Variants in SVIL observed in about 807,000 individuals in gnomAD.
SVIL encodes archvillin.
A neutral mutation model predicts 240.4 loss-of-function variants in SVIL; 101 were observed. The observed-to-expected ratio is 0.42, with a 90% CI of 0.36 to 0.50. The LOEUF is 0.50. SVIL is among the 20% of genes least tolerant of loss of function. The pLI, the probability that SVIL is intolerant of heterozygous loss-of-function variation, is 0.01. For synonymous variants in SVIL, 999 were observed against 1,100.0 expected (o/e 0.91, Z 1.82); for missense variants, 2,512 against 2,818.7 (o/e 0.89, Z 2.46).
intron 1 of SVIL, among the ~76,000 whole-genome samples, chr10:29,595,882 C>T (rs983744336): frequency 1.3e-5 from 2 of 152,232 alleles, no homozygotes; most frequent in Non-Finnish European, 2.9e-5. Context: ...AGCTGCTCTG[C>T]CTGCTCTTGG....
At chr10:29,571,011 C>T (rs1252506019) in intron 1 of SVIL, among the ~76,000 whole-genome samples, 5 of 152,218 alleles carry the variant, frequency 3.3e-5, no homozygotes, top group Non-Finnish European at 5.9e-5. Flanking sequence ...AGCTGGAAAA[C>T]CCTGGGCTTC....
chr10:29,687,663 G>C (rs1961183649), intron 1 of SVIL, among the ~76,000 whole-genome samples: 1 of 152,190 alleles, frequency 6.6e-6, no homozygotes, highest in African/African-American at 2.4e-5. Context: ...ACAGAGTTGA[G>C]ACTCTTTCTC....
chr10:29,529,754 T>C lies in SVIL; in HGVS notation c.2197A>G (p.Arg733Gly). 3 of 1,613,762 alleles carry C rather than the reference T, an allele frequency of 1.9e-6. No homozygotes were observed. Among genetic ancestry groups the C allele is most frequent in the South Asian group, 1.1e-5 (1 of 90,986 alleles). The change falls in exon 12 of 38, where the codon AGG becomes GGG. Residue 733 changes from arginine (R) to glycine (G), a missense_variant. Arg to Gly is a moderately radical substitution (Grantham distance 125). Transcript: ENST00000355867. The stretch of plus-strand genomic sequence containing the variant: ...GTGGTGATGGGCTGGGTGAGGGACC[T>C]GTCCTGCAGACGGCGTAGCCTCTGC... Reference protein sequence around the residue: ...VEQRLRRLQDRSLTQPITTEE... With the variant: ...VEQRLRRLQDGSLTQPITTEE...
chr10:29,490,811 C>G, intron 22 of SVIL, 36 bp downstream of exon 22: 6 of 1,609,494 alleles, frequency 3.7e-6, no homozygotes, highest in Non-Finnish European at 5.1e-6. Flanking sequence ...AAGCCATTCC[C>G]AAACACAGAA....
chr10:29,488,316 AG>A (rs1210094357), intron 23 of SVIL, among the ~76,000 whole-genome samples: 3 of 151,846 alleles, frequency 2.0e-5, no homozygotes, highest in Non-Finnish European at 4.4e-5. Flanking sequence ...GGGATTCTGG[AG>A]TGGGGGGACC....
chr10:29,646,549 G>T (rs1390167371), intron 3 of SVIL, among the ~76,000 whole-genome samples: 2 of 152,226 alleles, frequency 1.3e-5, no homozygotes, highest in Non-Finnish European at 2.9e-5. Context: ...TGATGGCCAA[G>T]TGGGCAAGTT....
At chr10:29,480,928 T>A (rs1206607056) in intron 28 of SVIL, 115 bp from the exon 29 acceptor site, 1 of 1,262,330 alleles carries the variant, frequency 7.9e-7, no homozygotes, top group African/African-American at 1.5e-5. Flanking sequence ...GCTTCCACAC[T>A]CTGTCTCAGG....
chr10:29,703,188 C>T (rs1199178584), intron 1 of SVIL, among the ~76,000 whole-genome samples: 1 of 152,170 alleles, frequency 6.6e-6, no homozygotes, highest in Non-Finnish European at 1.5e-5. Context: ...GATTATTCCT[C>T]CATTTTCATA....
chr10:29,591,173 T>C (rs1956375678), intron 1 of SVIL, among the ~76,000 whole-genome samples: 1 of 152,202 alleles, frequency 6.6e-6, no homozygotes, highest in African/African-American at 2.4e-5. Flanking sequence ...TTTTTTAATA[T>C]ATGTGAAGTG....
chr10:29,477,841 A>G (rs1946371362), intron 29 of SVIL, among the ~76,000 whole-genome samples: 1 of 152,304 alleles, frequency 6.6e-6, no homozygotes, highest in South Asian at 2.1e-4. Context: ...AGAAATATAG[A>G]AAGGAATCAC....
intron 1 of SVIL, among the ~76,000 whole-genome samples, chr10:29,699,577 T>A (rs1186282509): frequency 6.6e-6 from 1 of 152,234 alleles, no homozygotes; most frequent in Non-Finnish European, 1.5e-5. Context: ...GTGCTGGGAT[T>A]ACAGGTGTGA....
intron 24 of SVIL, 26 bp downstream of exon 24, chr10:29,487,137 A>T (rs771822385): frequency 6.2e-7 from 1 of 1,612,412 alleles, no homozygotes; most frequent in Non-Finnish European, 8.5e-7. Flanking sequence ...TGTTAGCTAA[A>T]GCATTTTTAT....
intron 32 of SVIL, among the ~76,000 whole-genome samples, 168 bp from the exon 33 acceptor site, chr10:29,468,043 G>A (rs535635811): frequency 7.0e-4 from 106 of 152,262 alleles, no homozygotes; most frequent in African/African-American, 2.4e-3. Flanking sequence ...TATTCACAGA[G>A]TTGTGCAACT....
rs1479518125 is a variant in SVIL at position 29,523,592 on chromosome 10, T to C, written c.3022A>G (p.Ile1008Val). 3.1e-6 allele frequency: 5 copies of C among 1,614,204 alleles called. No individual in the cohort carries two copies. Among genetic ancestry groups the C allele is most frequent in the Non-Finnish European group, 4.2e-6 (5 of 1,180,032 alleles). ...RGSLERANPP[I>V]THLGDEPKEF... ...TTCGGTTCATCCCCGAGGTGGGTGA[T>C]GGGAGGGTTCGCCCGTTCCAGGCTT... Residue 1008 changes from isoleucine to valine, a missense_variant, in exon 15 of 38, where the codon ATC (isoleucine) becomes GTC (valine). Ile to Val is a conservative substitution (Grantham distance 29). This residue lies in a region of SVIL where 1,443 missense variants were observed against 1,486.6 expected (regional missense o/e 0.97). Coordinates refer to ENST00000355867, the MANE Select transcript of SVIL (RefSeq NM_021738.3).
intron 33 of SVIL, 118 bp downstream of exon 33, chr10:29,467,624 T>C: frequency 7.4e-7 from 1 of 1,352,596 alleles, no homozygotes; most frequent in African/African-American, 1.4e-5. Context: ...GCCCAGGAGG[T>C]TGAAGCTGCA....
intron 18 of SVIL, chr10:29,496,529 G>C (rs1032146319): frequency 1.0e-4 from 42 of 403,838 alleles, no homozygotes; most frequent in African/African-American, 9.7e-4. Context: ...CCGTGTCCTG[G>C]CCGGTGCCGG....
At chr10:29,719,553 G>A (rs1400447807) in intron 1 of SVIL, among the ~76,000 whole-genome samples, 1 of 152,182 alleles carries the variant, frequency 6.6e-6, no homozygotes, top group African/African-American at 2.4e-5. Context: ...AACTGAAACT[G>A]ACCAAGAGTT....
chr10:29,512,470 G>A (rs1174693541), intron 17 of SVIL, among the ~76,000 whole-genome samples: 5 of 152,172 alleles, frequency 3.3e-5, no homozygotes, highest in East Asian at 1.9e-4. Flanking sequence ...TTTTTAAACT[G>A]AAGAAAAAGT....
chr10:29,684,520 G>A (rs1960908562), intron 2 of SVIL, among the ~76,000 whole-genome samples: 1 of 152,184 alleles, frequency 6.6e-6, no homozygotes, highest in South Asian at 2.1e-4. Context: ...TTAAGTTATT[G>A]TCTAAAGACC....
Sources: gnomAD v4.1 joint callset for allele counts (sites outside exome capture counted in the v4.1 genomes callset) on GRCh38, gnomAD v4.1.1 for gene constraint, gnomAD v4.1.1 regional missense constraint, MANE v1.5 for transcripts, NCBI Gene and HGNC (gene_info 2026-07-23, HGNC 2026-07-21) for gene names.